The following CHIT1 variants were observed in gnomAD, a reference collection of about 807,000 sequenced individuals.
The protein encoded by CHIT1 is chitotriosidase-1.
CHIT1 carries 47 observed loss-of-function variants against 52.0 expected under a neutral mutation model. The observed-to-expected ratio is 0.90, with a 90% CI of 0.71 to 1.15. The LOEUF (loss-of-function observed/expected upper bound fraction) is 1.15, where lower values mean the gene tolerates loss of function less well. Ranked by LOEUF, CHIT1 falls within the 50% of genes most tolerant of loss-of-function variation. The pLI, the probability that CHIT1 is intolerant of heterozygous loss-of-function variation, is 0.00. For synonymous variants in CHIT1, 242 were observed against 228.2 expected (o/e 1.06, Z -0.54); for missense variants, 569 against 583.0 (o/e 0.98, Z 0.25).
intron 9 of CHIT1, among the ~76,000 whole-genome samples, chr1:203,218,890 G>C (rs1380664014): frequency 1.3e-5 from 2 of 152,200 alleles, no homozygotes; most frequent in East Asian, 3.9e-4. Context: ...ATTTGGACAT[G>C]CACCAGATAT....
In CHIT1 at chr1:203,223,664, T is replaced by G. The variant is rs776607112; in HGVS notation, c.315-4A>C. On this transcript the variant is annotated splice_polypyrimidine_tract_variant and splice_region_variant and intron_variant, in intron 4 of 10. Coordinates refer to ENST00000367229, the MANE Select transcript of CHIT1 (RefSeq NM_003465.3). ...CGTGGCTACCATATCTGTGAACCTG[T>G]GAGGTGATGAAGGGGAGTAAGGGCC... The G allele has an allele frequency of 1.4e-5, 23 of 1,613,838 alleles. No homozygotes were observed. The highest frequency in any genetic ancestry group is 1.9e-5 in the Non-Finnish European group (22 of 1,179,972).
rs146692911 is a variant in CHIT1 at position 203,225,837 on chromosome 1, T to C, written c.89A>G (p.Asn30Ser). 8.8e-4 allele frequency: 1,424 copies of C among 1,614,068 alleles called. 3 individuals carry two copies. The highest frequency in any genetic ancestry group is 8.0e-4 in the Non-Finnish European group (940 of 1,180,012). Residue 30 changes from asparagine (N) to serine (S), a missense_variant, in exon 3 of 11, where the codon AAC becomes AGC. By Grantham distance (46) the Asn-to-Ser change is conservative (BLOSUM62 1). Transcript: ENST00000367229. The stretch of plus-strand genomic sequence containing the variant: ...CTCCCCCTGTCTGTACTGGGCCCAG[T>C]TGGTGAAGTAGCAGACCAGTTTTGC... ...SAAKLVCYFTNWAQYRQGEAR... is the reference protein window; with the variant it reads ...SAAKLVCYFTSWAQYRQGEAR...
intron 7 of CHIT1, among the ~76,000 whole-genome samples, chr1:203,220,133 G>C (rs1294707584): frequency 6.6e-6 from 1 of 152,142 alleles, no homozygotes; most frequent in Admixed American, 6.5e-5. Flanking sequence ...TGTGCCAGGC[G>C]CTGTCCATGG....
intron 5 of CHIT1, 52 bp from the exon 6 acceptor site, chr1:203,223,311 C>T (rs1364518210): frequency 1.2e-6 from 2 of 1,604,676 alleles, no homozygotes; most frequent in Admixed American, 1.7e-5. Flanking sequence ...AGGCAGGCAG[C>T]CCCTGTGAGC....
rs1003685094 is a variant in CHIT1, at chr1:203,227,842, C to T, written c.55+691G>A. 3.9e-5 allele frequency among the ~76,000 whole-genome samples: 6 copies of T among 152,202 alleles called. No homozygotes were observed. In the East Asian group the frequency reaches 9.6e-4, roughly 24 times the overall value. On this transcript the variant is annotated intron_variant, in intron 2 of 10. Coordinates refer to ENST00000367229, the MANE Select transcript of CHIT1 (RefSeq NM_003465.3). Reference sequence around the variant, plus strand: ...CCCCCGGCTGTTCCATCCTATGAGGCTGAGAGGGAAATGTACCTCCAATGC... The same window carrying T: ...CCCCCGGCTGTTCCATCCTATGAGGTTGAGAGGGAAATGTACCTCCAATGC...
chr1:203,223,295 C>A lies in CHIT1; in HGVS notation c.481-36G>T, dbSNP rs376557890. 4.3e-6 allele frequency: 7 copies of A among 1,612,762 alleles called. No individual in the cohort carries two copies. The South Asian group carries it at 4.4e-5, about 10-fold the overall frequency. On this transcript the variant is annotated intron_variant, in intron 5 of 10. Transcript: ENST00000367229. Reference sequence around the variant, plus strand: ...GGAGCTCAGAGTCAACACAGGGGCGCGCACCAGGCAGGCAGCCCCTGTGAG... The same window carrying A: ...GGAGCTCAGAGTCAACACAGGGGCGAGCACCAGGCAGGCAGCCCCTGTGAG...
intron 9 of CHIT1, among the ~76,000 whole-genome samples, chr1:203,218,522 G>A (rs1656620750): frequency 6.6e-6 from 1 of 152,100 alleles, no homozygotes; most frequent in Non-Finnish European, 1.5e-5. Flanking sequence ...CCTACACTTT[G>A]TTTTCAGAGT....
At chr1:203,222,447 G>A (rs957185203) in intron 6 of CHIT1, 122 bp from the exon 7 acceptor site, 1 of 1,464,828 alleles carries the variant, frequency 6.8e-7, no homozygotes. Flanking sequence ...AGAGGCAAAG[G>A]TGGCAGGCTC....
At chr1:203,223,427 ATGT>A in intron 5 of CHIT1, 65 bp downstream of exon 5, 1 of 1,602,840 alleles carries the variant, frequency 6.2e-7, no homozygotes, top group Non-Finnish European at 8.5e-7. Context: ...CAGCCCCCAC[ATGT>A]GCTGTGGGGG....
At position 203,225,653 on chromosome 1, in the gene CHIT1, C is replaced by A. The variant is rs1210450535; in HGVS notation, c.257+16G>T. On this transcript the variant is annotated intron_variant, in intron 3 of 10. Coordinates refer to ENST00000367229, the MANE Select transcript of CHIT1 (RefSeq NM_003465.3). ...CCACCACATCCCACCCACCCTGCTC[C>A]TCTGCTTTGGCTCACATCTTCTTCA... 6.2e-7 allele frequency: 1 copy of A among 1,612,786 alleles called. No individual in the cohort carries two copies. The highest frequency in any genetic ancestry group is 1.3e-5 in the African/African-American group (1 of 74,954).
chr1:203,224,095 C>T (rs1656841143), intron 4 of CHIT1, among the ~76,000 whole-genome samples: 1 of 152,192 alleles, frequency 6.6e-6, no homozygotes, highest in Non-Finnish European at 1.5e-5. Flanking sequence ...TTCTCTAATT[C>T]CTTTACTAAG....
At chr1:203,220,665 C>T (rs1656701629) in intron 7 of CHIT1, among the ~76,000 whole-genome samples, 2 of 152,204 alleles carry the variant, frequency 1.3e-5, no homozygotes, top group South Asian at 4.1e-4. Flanking sequence ...TTACTCTGAG[C>T]CCACTTAGCA....
At chr1:203,228,389 G>T in intron 2 of CHIT1, 144 bp downstream of exon 2, 2 of 870,692 alleles carry the variant, frequency 2.3e-6, no homozygotes, top group Non-Finnish European at 3.7e-6. Flanking sequence ...GTAGCAGATG[G>T]GGACATTTGC....
At chr1:203,223,092 T>C (rs1161935441) in intron 6 of CHIT1, 43 bp downstream of exon 6, 1 of 1,612,656 alleles carries the variant, frequency 6.2e-7, no homozygotes, top group African/African-American at 1.3e-5. Context: ...TGGCCTCTCT[T>C]CCCTCAGAGA....
rs532378393 is a variant in CHIT1 at position 203,216,311 on chromosome 1, T to A, written c.*578A>T. ...CGAAGACCCCTGAGTACCAGGGGTC[T>A]GAATTCTTAGTGTAATGCTGAGTGG... is the stretch of plus-strand genomic sequence containing the variant. On this transcript the variant is annotated 3_prime_UTR_variant, in exon 11 of 11. Coordinates refer to ENST00000367229, the MANE Select transcript of CHIT1 (RefSeq NM_003465.3). 4 of 454,104 alleles carry A rather than the reference T, an allele frequency of 8.8e-6. No homozygotes were observed. Among genetic ancestry groups the A allele is most frequent in the South Asian group, 6.2e-5 (4 of 64,470 alleles). The allele number at this position is 454,104 out of a possible 1,614,324, so 28.1% of individuals were successfully genotyped here. A position where few individuals can be genotyped will look rare whatever the true frequency, so the allele number is the denominator to read the frequency against.
chr1:203,217,599 A>G (rs1209910879), intron 10 of CHIT1, 140 bp downstream of exon 10: 5 of 1,376,062 alleles, frequency 3.6e-6, no homozygotes, highest in African/African-American at 1.4e-5. Flanking sequence ...TCCTGCGGGT[A>G]CATGAAGCTT....
rs1656767360 is a variant in CHIT1, at chr1:203,222,281, G to A, written c.650C>T (p.Ser217Phe). Residue 217 changes from serine (S) to phenylalanine (F), a missense_variant, in exon 7 of 11, where the codon TCT becomes TTT. Transcript: ENST00000367229. ...VNLMAYDFHGSWEKVTGHNSP... is the reference protein window; with the variant it reads ...VNLMAYDFHGFWEKVTGHNSP... ...GTTATGTCCCGTGACCTTCTCCCAA[G>A]AGCCATGGAAGTCGTAGGCCATAAG... The A allele has an allele frequency of 6.2e-7, 1 of 1,614,200 alleles. No homozygotes were observed. The highest frequency in any genetic ancestry group is 8.5e-7 in the Non-Finnish European group (1 of 1,180,030).
chr1:203,223,715 T>G (rs1318940973), intron 4 of CHIT1, 55 bp from the exon 5 acceptor site: 1 of 1,578,656 alleles, frequency 6.3e-7, no homozygotes, highest in East Asian at 2.2e-5. Context: ...AGGAGGCCAC[T>G]CTTACTCAGA....
At chr1:203,229,692 C>T, upstream of CHIT1, 1 of 1,599,898 alleles carries the variant, frequency 6.3e-7, no homozygotes, top group Non-Finnish European at 8.5e-7. Flanking sequence ...AGGTCCTGCT[C>T]TGCTTTTATC....
Sources: allele counts gnomAD v4.1 joint callset (sites outside exome capture counted in the v4.1 genomes callset), GRCh38; gene constraint gnomAD v4.1.1; transcripts MANE v1.5; gene names NCBI Gene and HGNC (gene_info 2026-07-23, HGNC 2026-07-21).